NUP62CL: variants seen among roughly 807,000 people sequenced by gnomAD.
The protein encoded by NUP62CL is nucleoporin 62 C-terminal like.
In NUP62CL, 13 loss-of-function variants were observed where a neutral mutation model predicts 15.3. The observed-to-expected ratio is 0.85, with a 90% CI of 0.55 to 1.35. The LOEUF (loss-of-function observed/expected upper bound fraction) is 1.35, where lower values mean the gene tolerates loss of function less well. NUP62CL is among the 40% of genes most tolerant of loss of function. The pLI is 0.00. For synonymous variants in NUP62CL, 54 were observed against 49.2 expected, an observed-to-expected ratio of 1.10 and a Z score of -0.41; for missense variants, 123 against 130.6, an observed-to-expected ratio of 0.94 and a Z score of 0.28.
At chrX:107,124,380 C>A (rs1011157250) in intron 8 of NUP62CL, 48 bp from the exon 9 acceptor site, 2 of 334,492 alleles carry the variant, frequency 6.0e-6, no homozygotes, top group Non-Finnish European at 1.2e-5. Context: ...CCAAAATATC[C>A]CATGAACATA....
At chrX:107,175,544 CT>C (rs972979270) in intron 2 of NUP62CL, among the ~76,000 whole-genome samples, 2 of 111,755 alleles carry the variant, frequency 1.8e-5, no homozygotes, top group African/African-American at 6.5e-5. Flanking sequence ...CAAAAAGTTA[CT>C]TTTTTTTCTT....
At chrX:107,160,761 C>G (rs1362875422) in intron 4 of NUP62CL, among the ~76,000 whole-genome samples, 1 of 111,006 alleles carries the variant, frequency 9.0e-6, no homozygotes, top group African/African-American at 3.3e-5. Context: ...CAATGGCAAC[C>G]AAAGCCAAAA....
chrX:107,147,269 T>A (rs1925902330), intron 8 of NUP62CL, among the ~76,000 whole-genome samples: 1 of 111,556 alleles, frequency 9.0e-6, no homozygotes, highest in South Asian at 3.8e-4. Context: ...GATGACCTCC[T>A]AGAAGGATGC....
intron 2 of NUP62CL, among the ~76,000 whole-genome samples, chrX:107,182,501 T>C (rs1926942629): frequency 8.9e-6 from 1 of 111,800 alleles, no homozygotes. Flanking sequence ...CCAACTATCT[T>C]AATAAATAGT....
chrX:107,176,427 A>C (rs1314335386), intron 2 of NUP62CL, among the ~76,000 whole-genome samples: 1 of 111,386 alleles, frequency 9.0e-6, no homozygotes, highest in Non-Finnish European at 1.9e-5. Context: ...ACAAAACAAA[A>C]AGCTTCATAT....
intron 2 of NUP62CL, among the ~76,000 whole-genome samples, chrX:107,192,067 C>A (rs1927257120): frequency 9.0e-6 from 1 of 111,480 alleles, no homozygotes; most frequent in African/African-American, 3.3e-5. Context: ...GCTATCAGTG[C>A]TACAAAAAAA....
rs143571795 is a variant in NUP62CL, at chrX:107,191,085, G to A, written c.-48+1944C>T. Among the ~76,000 whole-genome samples the A allele has an allele frequency of 7.4e-3, 744 of 100,396 alleles. 2 individuals carry two copies. Among genetic ancestry groups the A allele is most frequent in the South Asian group, 0.019 (38 of 2,009 alleles). 87.2% of individuals were successfully genotyped at this position (100,396 alleles called of 115,157 possible). A position where few individuals can be genotyped will look rare whatever the true frequency, so the allele number is the denominator to read the frequency against. On this transcript the variant is annotated intron_variant, in intron 2 of 8. Transcript: ENST00000372466. ...GGGTTTAGTAGGTGTATAACTTTACGGTTACATGAGGTATTTTAATACAGG... is the reference window on the plus strand; with the variant it reads ...GGGTTTAGTAGGTGTATAACTTTACAGTTACATGAGGTATTTTAATACAGG...
chrX:107,205,707 T>C (rs1359228598), intron 1 of NUP62CL, among the ~76,000 whole-genome samples: 1 of 111,257 alleles, frequency 9.0e-6, no homozygotes, highest in Non-Finnish European at 1.9e-5. Flanking sequence ...CGCCCCTTTG[T>C]TTAAAACCAA....
At chrX:107,152,915 G>T (rs959880045) in intron 7 of NUP62CL, among the ~76,000 whole-genome samples, 3 of 111,940 alleles carry the variant, frequency 2.7e-5, no homozygotes, top group Middle Eastern at 4.2e-3. Flanking sequence ...CAGTGAACAT[G>T]CATAAGGTTG....
At position 107,204,845 on chromosome X, in the gene NUP62CL, TTTATTTAAATAAATTTTAAATAAA is replaced by T. The variant is rs1569369291; in HGVS notation, c.-92+1404_-92+1427del. ...ATTTAAATAAATTTTAAATAAATTA[TTTATTTAAATAAATTTTAAATAAA>T]TTATTTAAATAAATTTTAAATAAAT... is the stretch of plus-strand genomic sequence containing the variant. On this transcript the variant is annotated intron_variant, in intron 1 of 8. Transcript: ENST00000372466. Among the ~76,000 whole-genome samples, 79 of 72,197 alleles carry T rather than the reference TTTATTTAAATAAATTTTAAATAAA, an allele frequency of 1.1e-3. 2 individuals carry two copies. Among genetic ancestry groups the T allele is most frequent in the African/African-American group, 3.1e-3 (36 of 11,447 alleles). 62.7% of individuals were successfully genotyped at this position (72,197 alleles called of 115,157 possible).
chrX:107,143,078 T>A (rs1159989161), intron 8 of NUP62CL, among the ~76,000 whole-genome samples: 1 of 111,680 alleles, frequency 9.0e-6, no homozygotes, highest in South Asian at 3.8e-4. Context: ...TTGACACCTT[T>A]CTAGTTCAGT....
chrX:107,141,586 T>A (rs1227777529), intron 8 of NUP62CL, among the ~76,000 whole-genome samples: 1 of 111,369 alleles, frequency 9.0e-6, no homozygotes, highest in African/African-American at 3.3e-5. Flanking sequence ...GCCACCAAGA[T>A]TTCCCAAAGA....
At chrX:107,203,246 C>CT (rs200961978) in intron 1 of NUP62CL, among the ~76,000 whole-genome samples, 1,856 of 97,329 alleles carry the variant, frequency 0.019, 27 homozygotes, top group South Asian at 0.093. Flanking sequence ...TCTCCCTTTA[C>CT]TTTTTTTTTT....
intron 8 of NUP62CL, among the ~76,000 whole-genome samples, chrX:107,141,916 CG>C (rs1357083262): frequency 4.6e-5 from 5 of 109,173 alleles, no homozygotes; most frequent in African/African-American, 1.3e-4. Context: ...AAAAATTAGC[CG>C]GGTATGGTGG....
At chrX:107,129,964 T>C (rs1925474016) in intron 8 of NUP62CL, among the ~76,000 whole-genome samples, 1 of 111,476 alleles carries the variant, frequency 9.0e-6, no homozygotes, top group African/African-American at 3.3e-5. Flanking sequence ...AAAATTAAAC[T>C]TATAGCAGAA....
At chrX:107,179,093 C>CA (rs374131484) in intron 2 of NUP62CL, among the ~76,000 whole-genome samples, 4,672 of 89,895 alleles carry the variant, frequency 0.052, 114 homozygotes, top group Non-Finnish European at 0.078. Flanking sequence ...GACTCCATCT[C>CA]AAAAAAAAAA....
At chrX:107,192,332 G>T (rs1927263337) in intron 2 of NUP62CL, among the ~76,000 whole-genome samples, 1 of 112,013 alleles carries the variant, frequency 8.9e-6, no homozygotes, top group Non-Finnish European at 1.9e-5. Flanking sequence ...TCAAATCTCA[G>T]CTGCCTTCAA....
chrX:107,162,559 G>C (rs965912416), intron 4 of NUP62CL, among the ~76,000 whole-genome samples: 3 of 112,004 alleles, frequency 2.7e-5, no homozygotes, highest in Non-Finnish European at 5.6e-5. Flanking sequence ...AACCATGCAG[G>C]CTTCAAGCAC....
At chrX:107,190,217 C>T (rs957998845) in intron 2 of NUP62CL, among the ~76,000 whole-genome samples, 1 of 111,673 alleles carries the variant, frequency 9.0e-6, no homozygotes, top group African/African-American at 3.3e-5. Context: ...ATACCACTCC[C>T]AAATCATGCC....
Sources: gnomAD v4.1 joint callset for allele counts (sites outside exome capture counted in the v4.1 genomes callset) on GRCh38, gnomAD v4.1.1 for gene constraint, MANE v1.5 for transcripts, NCBI Gene and HGNC (gene_info 2026-07-23, HGNC 2026-07-21) for gene names.